PLD5: variants seen among roughly 807,000 people sequenced by gnomAD.
PLD5 encodes the protein inactive phospholipase D5.
Under a neutral mutation model 61.1 loss-of-function variants are expected in PLD5, and 36 were observed. The ratio of observed to expected loss-of-function variants is 0.59; its 90% CI spans 0.45 to 0.78. The LOEUF (loss-of-function observed/expected upper bound fraction) is 0.78, where lower values mean the gene tolerates loss of function less well. Among genes scored for constraint, PLD5 ranks in the 30% least tolerant of loss-of-function variants. The pLI is 0.00. For synonymous variants in PLD5, 243 were observed against 242.8 expected (o/e 1.00, Z -0.01); for missense variants, 515 against 644.4 (o/e 0.80, Z 2.17).
At chr1:242,415,391 A>C (rs1007993362) in intron 1 of PLD5, among the ~76,000 whole-genome samples, 1 of 152,134 alleles carries the variant, frequency 6.6e-6, no homozygotes, top group Non-Finnish European at 1.5e-5. Flanking sequence ...CATAGAGAGG[A>C]TGTACCTACC....
chr1:242,222,184 GC>G (rs903827801), intron 4 of PLD5, among the ~76,000 whole-genome samples: 2 of 149,558 alleles, frequency 1.3e-5, no homozygotes, highest in Admixed American at 1.4e-4. Flanking sequence ...TGAAGGTCCC[GC>G]CCCCCACTAC....
At chr1:242,196,295 G>A (rs1417410587) in intron 5 of PLD5, among the ~76,000 whole-genome samples, 3 of 152,178 alleles carry the variant, frequency 2.0e-5, no homozygotes, top group African/African-American at 7.2e-5. Context: ...TTGCCCTCAC[G>A]CGCTGTCGGT....
At chr1:242,457,508 G>A (rs1353212200) in intron 1 of PLD5, among the ~76,000 whole-genome samples, 1 of 152,140 alleles carries the variant, frequency 6.6e-6, no homozygotes, top group African/African-American at 2.4e-5. Context: ...TTAACGTGGG[G>A]AAGAGGTTAT....
chr1:242,151,452 T>G (rs1471219685), intron 5 of PLD5, among the ~76,000 whole-genome samples: 1 of 151,896 alleles, frequency 6.6e-6, no homozygotes, highest in Admixed American at 6.6e-5. Flanking sequence ...GACACGGAGT[T>G]TTTTCCCCCA....
chr1:242,353,832 C>T (rs867247160), intron 1 of PLD5, among the ~76,000 whole-genome samples: 10 of 151,860 alleles, frequency 6.6e-5, no homozygotes, highest in South Asian at 4.2e-4. Context: ...AAGTCTTTCA[C>T]CTCCTTGATT....
Position 242,246,832 on chromosome 1 carries a change from C to T in PLD5, c.607+18505G>A, listed in dbSNP as rs569842149. On this transcript the variant is annotated intron_variant, in intron 4 of 9. Coordinates refer to ENST00000536534, the MANE Select transcript of PLD5 (RefSeq NM_001372062.1). ...AAGCGTGCTTGCAGTGGTCAGGTTA[C>T]GCTTTGGTTTTATACATTTTAGGGA... Among the ~76,000 whole-genome samples, 564 of 152,188 alleles carry T rather than the reference C, an allele frequency of 3.7e-3. 8 individuals carry two copies. The highest frequency in any genetic ancestry group is 0.013 in the African/African-American group (537 of 41,514).
chr1:242,293,501 T>C (rs948535921), intron 2 of PLD5, among the ~76,000 whole-genome samples: 3 of 152,154 alleles, frequency 2.0e-5, no homozygotes, highest in Non-Finnish European at 4.4e-5. Context: ...GTACCTATTT[T>C]ATAGATTAAA....
intron 5 of PLD5, among the ~76,000 whole-genome samples, chr1:242,198,353 T>G (rs1490998823): frequency 2.0e-5 from 3 of 152,202 alleles, no homozygotes; most frequent in South Asian, 2.1e-4. Context: ...GAAATGCTTT[T>G]GCAGCTTTCA....
intron 5 of PLD5, among the ~76,000 whole-genome samples, chr1:242,205,847 A>G (rs2148966658): frequency 6.6e-6 from 1 of 152,312 alleles, no homozygotes; most frequent in South Asian, 2.1e-4. Flanking sequence ...GGTCTTTGAA[A>G]CTTCCTCAGT....
rs1669364175 is a variant in PLD5, at chr1:242,524,048, A to C, written c.189+40T>G. 2.6e-6 allele frequency: 4 copies of C among 1,516,960 alleles called. No individual in the cohort carries two copies. The South Asian group carries it at 4.9e-5, about 18-fold the overall frequency. 94.0% of individuals were successfully genotyped at this position (1,516,960 alleles called of 1,614,324 possible). A position where few individuals can be genotyped will look rare whatever the true frequency, so the allele number is the denominator to read the frequency against. ...CCACCACGGGGAGGGTGCATGCGGC[A>C]GGTGCCTGGCCGAGGCCCCCGGGAG... On this transcript the variant is annotated intron_variant, in intron 1 of 9. Transcript: ENST00000536534.
intron 1 of PLD5, among the ~76,000 whole-genome samples, chr1:242,396,248 G>A (rs946614929): frequency 2.0e-5 from 3 of 152,132 alleles, no homozygotes; most frequent in Non-Finnish European, 2.9e-5. Context: ...CCTGTGCATT[G>A]TAGGATGCTG....
Position 242,348,500 on chromosome 1 carries a change from CTCT to C in PLD5, c.190-261_190-259del, listed in dbSNP as rs1220718650. On this transcript the variant is annotated intron_variant, in intron 1 of 9. Transcript: ENST00000536534. ...GTATCCAGGCTTCTGAATGAGTTTG[CTCT>C]TCTTCTTCTTCCTACTCAAAAGCAG... 3.3e-5 allele frequency among the ~76,000 whole-genome samples: 5 copies of C among 152,188 alleles called. No individual in the cohort carries two copies. The South Asian group carries it at 6.2e-4, about 19-fold the overall frequency.
intron 1 of PLD5, among the ~76,000 whole-genome samples, chr1:242,485,224 G>T (rs967593195): frequency 2.0e-5 from 3 of 152,274 alleles, no homozygotes; most frequent in African/African-American, 7.2e-5. Context: ...TAAGGCAGGA[G>T]AAAGAAATAA....
chr1:242,244,162 A>G (rs1394292225), intron 4 of PLD5, among the ~76,000 whole-genome samples: 2 of 152,246 alleles, frequency 1.3e-5, no homozygotes, highest in African/African-American at 4.8e-5. Context: ...TACAGAAAAT[A>G]TTCACAAAAG....
intron 1 of PLD5, among the ~76,000 whole-genome samples, chr1:242,453,773 A>C (rs550373549): frequency 6.6e-6 from 1 of 152,158 alleles, no homozygotes; most frequent in African/African-American, 2.4e-5. Flanking sequence ...ACACCTGTCC[A>C]CCCCTCTCTC....
chr1:242,454,834 C>T (rs904194132), intron 1 of PLD5, among the ~76,000 whole-genome samples: 1 of 152,082 alleles, frequency 6.6e-6, no homozygotes, highest in South Asian at 2.1e-4. Flanking sequence ...GAGAGCTGAC[C>T]GGATGCCCTG....
chr1:242,321,225 AT>A (rs1463033416), intron 2 of PLD5, among the ~76,000 whole-genome samples: 2 of 151,668 alleles, frequency 1.3e-5, no homozygotes, highest in Non-Finnish European at 2.9e-5. Context: ...TAAAAAAAAA[AT>A]AATGGAGAGT....
intron 1 of PLD5, among the ~76,000 whole-genome samples, chr1:242,349,242 T>C (rs1036838407): frequency 6.6e-6 from 1 of 152,158 alleles, no homozygotes; most frequent in Non-Finnish European, 1.5e-5. Context: ...TAAGGGGTTG[T>C]AGAGACCAAG....
At chr1:242,091,832 CTTT>C (rs750237371) in intron 9 of PLD5, among the ~76,000 whole-genome samples, 2 of 123,422 alleles carry the variant, frequency 1.6e-5, no homozygotes, top group Non-Finnish European at 3.5e-5. Flanking sequence ...TTCTTTTTTT[CTTT>C]TTTTTTTTTT....
Sources: allele counts gnomAD v4.1 joint callset (sites outside exome capture counted in the v4.1 genomes callset), GRCh38; gene constraint gnomAD v4.1.1; transcripts MANE v1.5; gene names NCBI Gene and HGNC (gene_info 2026-07-23, HGNC 2026-07-21).